TMCC1: variants seen among roughly 807,000 people sequenced by gnomAD.
TMCC1 encodes transmembrane and coiled-coil domains protein 1.
In TMCC1, 15 loss-of-function variants were observed where a neutral mutation model predicts 52.4. The observed-to-expected ratio is 0.29, with a 90% CI of 0.19 to 0.44. TMCC1 has a LOEUF of 0.44. Among genes scored for constraint, TMCC1 ranks in the 20% least tolerant of loss-of-function variants. The pLI is 1.00. For synonymous variants in TMCC1, 279 were observed against 301.9 expected, an observed-to-expected ratio of 0.92 and a Z score of 0.79; for missense variants, 503 against 806.0, an observed-to-expected ratio of 0.62 and a Z score of 4.55.
chr3:129,732,187 A>C (rs2050597957), intron 4 of TMCC1, among the ~76,000 whole-genome samples: 1 of 152,142 alleles, frequency 6.6e-6, no homozygotes, highest in Non-Finnish European at 1.5e-5. Context: ...GTGAATAGAA[A>C]TTGTTTTACT....
At chr3:129,673,065 A>G (rs2088092942) in intron 4 of TMCC1, among the ~76,000 whole-genome samples, 1 of 152,220 alleles carries the variant, frequency 6.6e-6, no homozygotes, top group African/African-American at 2.4e-5. Context: ...AAGAGAATTT[A>G]ATACTGAAAT....
At chr3:129,818,763 T>C (rs2058259131) in intron 4 of TMCC1, among the ~76,000 whole-genome samples, 4 of 152,172 alleles carry the variant, frequency 2.6e-5, no homozygotes, top group Admixed American at 2.6e-4. Context: ...TTCTTCAACA[T>C]GCCACAATTC....
At chr3:129,663,237 C>A (rs2087176730) in intron 5 of TMCC1, among the ~76,000 whole-genome samples, 1 of 152,130 alleles carries the variant, frequency 6.6e-6, no homozygotes, top group Non-Finnish European at 1.5e-5. Flanking sequence ...TTGGAGCCAT[C>A]TCTGAGAACC....
At chr3:129,885,636 A>G (rs1003446226) in intron 1 of TMCC1, among the ~76,000 whole-genome samples, 7 of 152,186 alleles carry the variant, frequency 4.6e-5, no homozygotes, top group African/African-American at 1.7e-4. Context: ...TTATAGTTCA[A>G]ACCTGAGGGA....
intron 4 of TMCC1, among the ~76,000 whole-genome samples, chr3:129,707,052 T>C (rs778998143): frequency 1.3e-5 from 2 of 152,088 alleles, no homozygotes; most frequent in Non-Finnish European, 2.9e-5. Context: ...CTGGGCAGCG[T>C]AGAAATAGGG....
rs1293230659 is a variant in TMCC1, at chr3:129,649,336, C to T, written c.*2145G>A. The T allele has an allele frequency of 2.0e-5, 3 of 152,142 alleles. No individual in the cohort carries two copies. Among genetic ancestry groups the T allele is most frequent in the Non-Finnish European group, 4.4e-5 (3 of 68,034 alleles). 9.4% of individuals were successfully genotyped at this position (152,142 alleles called of 1,614,324 possible). A position where few individuals can be genotyped will look rare whatever the true frequency, so the allele number is the denominator to read the frequency against. ...TTTGGCACTCCTGCCTAAAAAGTCA[C>T]TGCAATATTTTTAGGCAAAGTTAAC... On this transcript the variant is annotated 3_prime_UTR_variant, in exon 7 of 7. Transcript: ENST00000393238.
chr3:129,877,504 C>A (rs909376001), intron 2 of TMCC1, among the ~76,000 whole-genome samples: 4 of 152,148 alleles, frequency 2.6e-5, no homozygotes, highest in African/African-American at 7.2e-5. Context: ...GAGATCTCAT[C>A]CAGCTTTCTG....
intron 4 of TMCC1, among the ~76,000 whole-genome samples, chr3:129,810,756 A>G (rs2057761603): frequency 6.6e-6 from 1 of 152,236 alleles, no homozygotes; most frequent in South Asian, 2.1e-4. Context: ...AAGCAATCAC[A>G]TTTACAACAA....
At chr3:129,863,878 T>A (rs1019727860) in intron 2 of TMCC1, among the ~76,000 whole-genome samples, 1 of 151,306 alleles carries the variant, frequency 6.6e-6, no homozygotes. Context: ...AAAAAAAGAA[T>A]AAGGCTAAAA....
intron 4 of TMCC1, among the ~76,000 whole-genome samples, chr3:129,817,376 G>T (rs1399185279): frequency 6.6e-6 from 1 of 152,060 alleles, no homozygotes; most frequent in Non-Finnish European, 1.5e-5. Context: ...TTGAGCCCAG[G>T]AGATCAAGGC....
chr3:129,755,934 C>T (rs555274105), intron 4 of TMCC1, among the ~76,000 whole-genome samples: 2 of 152,104 alleles, frequency 1.3e-5, no homozygotes, highest in Admixed American at 6.5e-5. Flanking sequence ...CCTGTCTCTC[C>T]TAAAAATACA....
intron 2 of TMCC1, among the ~76,000 whole-genome samples, chr3:129,878,162 C>T (rs542243298): frequency 2.7e-5 from 4 of 149,656 alleles, no homozygotes; most frequent in South Asian, 2.1e-4. Context: ...TGGGGTTTCA[C>T]GACATTCGCC....
chr3:129,767,647 T>C (rs977391001), intron 4 of TMCC1, among the ~76,000 whole-genome samples: 2 of 152,222 alleles, frequency 1.3e-5, no homozygotes, highest in South Asian at 2.1e-4. Flanking sequence ...TTGGCAATCA[T>C]CCTCTTATTC....
At chr3:129,770,742 C>T (rs542914182) in intron 4 of TMCC1, among the ~76,000 whole-genome samples, 12 of 152,124 alleles carry the variant, frequency 7.9e-5, no homozygotes, top group Non-Finnish European at 1.6e-4. Flanking sequence ...TTTAGAGAAT[C>T]TGGAGAGTGT....
chr3:129,666,166 A>G (rs62267600), intron 5 of TMCC1, among the ~76,000 whole-genome samples: 13,035 of 152,264 alleles, frequency 0.086, 703 homozygotes, highest in East Asian at 0.17. Context: ...GTAGAAGTAG[A>G]ATTAGTAAAG....
At chr3:129,667,580 C>T (rs1165510158) in intron 5 of TMCC1, among the ~76,000 whole-genome samples, 1 of 152,106 alleles carries the variant, frequency 6.6e-6, no homozygotes, top group South Asian at 2.1e-4. Context: ...AAGTTTTCTT[C>T]GTTCTGTCTT....
intron 4 of TMCC1, among the ~76,000 whole-genome samples, chr3:129,740,177 A>G (rs936509868): frequency 1.3e-5 from 2 of 152,162 alleles, no homozygotes; most frequent in African/African-American, 4.8e-5. Context: ...GGCCCAATAT[A>G]TACTAGTTAC....
At chr3:129,827,084 C>T (rs1476652609) in intron 4 of TMCC1, among the ~76,000 whole-genome samples, 1 of 152,200 alleles carries the variant, frequency 6.6e-6, no homozygotes, top group African/African-American at 2.4e-5. Context: ...GCAGGAACTC[C>T]TCAGTTTGTC....
chr3:129,884,315 A>T (rs1001889162), intron 1 of TMCC1, among the ~76,000 whole-genome samples: 19 of 152,172 alleles, frequency 1.2e-4, no homozygotes, highest in African/African-American at 4.6e-4. Context: ...CATTATTAAA[A>T]TAAAGAAAAA....
Sources: gnomAD v4.1 joint callset for allele counts (sites outside exome capture counted in the v4.1 genomes callset) on GRCh38, gnomAD v4.1.1 for gene constraint, MANE v1.5 for transcripts, NCBI Gene and HGNC (gene_info 2026-07-23, HGNC 2026-07-21) for gene names.